TSPAN8: variants seen among roughly 807,000 people sequenced by gnomAD.
TSPAN8 encodes tetraspanin-8.
In TSPAN8, 21 loss-of-function variants were observed where a neutral mutation model predicts 32.8. The ratio of observed to expected loss-of-function variants is 0.64; its 90% CI spans 0.45 to 0.92. The LOEUF (loss-of-function observed/expected upper bound fraction) is 0.92, where lower values mean the gene tolerates loss of function less well. TSPAN8 is among the 40% of genes least tolerant of loss of function. The probability of loss-of-function intolerance (pLI) is 0.00; values close to 1 mark genes in which losing one functional copy is unlikely to be tolerated. For synonymous variants in TSPAN8, 95 were observed against 94.6 expected, an observed-to-expected ratio of 1.00 and a Z score of -0.03; for missense variants, 269 against 281.9, an observed-to-expected ratio of 0.95 and a Z score of 0.33.
intron 6 of TSPAN8, 22 bp from the exon 7 acceptor site, chr12:71,132,846 G>A: frequency 6.2e-7 from 1 of 1,613,240 alleles, no homozygotes; most frequent in South Asian, 1.1e-5. Flanking sequence ...AAGGTAGAAT[G>A]AGAAGCAGTC....
chr12:71,144,274 C>T lies in TSPAN8; in HGVS notation c.61-61G>A, dbSNP rs35072691. 3,746 of 1,468,632 alleles carry T rather than the reference C, an allele frequency of 2.6e-3. 95 individuals are homozygous for T. The African/African-American group carries it at 0.046, about 18-fold the overall frequency. 91.0% of individuals were successfully genotyped at this position (1,468,632 alleles called of 1,614,324 possible). On this transcript the variant is annotated intron_variant, in intron 2 of 8. Coordinates refer to ENST00000247829, the MANE Select transcript of TSPAN8 (RefSeq NM_004616.3). ...TTAGGATCATATGAAACTCTATTTC[C>T]ACACCCTCCTATCTATCCGGTGACA...
Position 71,128,247 on chromosome 12 carries a change from C to G in TSPAN8, c.660+1084G>C, listed in dbSNP as rs139039661. Among the ~76,000 whole-genome samples the G allele has an allele frequency of 9.0e-4, 137 of 152,302 alleles. 2 individuals are homozygous for G. The East Asian group carries it at 0.026, about 28-fold the overall frequency. On this transcript the variant is annotated intron_variant, in intron 8 of 8. Transcript: ENST00000247829. Reference sequence around the variant, plus strand: ...TAATTTGCTGCTAATAGTCCCTAACCTTTCTCTAATAGCTGCCTGGGAAAT... The same window carrying G: ...TAATTTGCTGCTAATAGTCCCTAACGTTTCTCTAATAGCTGCCTGGGAAAT...
rs11178660 is a variant in TSPAN8 at position 71,155,627 on chromosome 12, T to C, written c.60+1992A>G. ...ATGAGGTAATCGGAAATTTCAGCCC[T>C]GAATGGGCTCAAATTTGACAGTTTG... is the stretch of plus-strand genomic sequence containing the variant. On this transcript the variant is annotated intron_variant, in intron 2 of 8. Transcript: ENST00000247829. Among the ~76,000 whole-genome samples the C allele has an allele frequency of 2.8e-3, 430 of 152,260 alleles. 8 individuals are homozygous for C. In the East Asian group the frequency reaches 0.05, roughly 18 times the overall value.
At chr12:71,148,741 T>C (rs1194922294) in intron 2 of TSPAN8, among the ~76,000 whole-genome samples, 1 of 152,250 alleles carries the variant, frequency 6.6e-6, no homozygotes, top group South Asian at 2.1e-4. Flanking sequence ...TGGGATTCTA[T>C]GTCACTGTCT....
chr12:71,135,559 A>C (rs1004282180), intron 6 of TSPAN8, among the ~76,000 whole-genome samples: 23 of 151,942 alleles, frequency 1.5e-4, no homozygotes, highest in Non-Finnish European at 2.6e-4. Flanking sequence ...GAGAAGAAGG[A>C]GGAGAAGAAG....
In TSPAN8 at chr12:71,138,241, G is replaced by A. The variant is rs1216147562; in HGVS notation, c.262-11C>T. 6.2e-7 allele frequency: 1 copy of A among 1,612,144 alleles called. No individual in the cohort carries two copies. Among genetic ancestry groups the A allele is most frequent in the African/African-American group, 1.3e-5 (1 of 74,804 alleles). On this transcript the variant is annotated splice_polypyrimidine_tract_variant and intron_variant, in intron 4 of 8. Transcript: ENST00000247829. ...CAAGCCTATGAAAAACTGAAGAAGAGAAAAAGAAATATACATTATCCTCAG... is the reference window on the plus strand; with the variant it reads ...CAAGCCTATGAAAAACTGAAGAAGAAAAAAAGAAATATACATTATCCTCAG...
At chr12:71,130,474 T>A (rs1410743686) in intron 7 of TSPAN8, among the ~76,000 whole-genome samples, 1 of 152,196 alleles carries the variant, frequency 6.6e-6, no homozygotes, top group Non-Finnish European at 1.5e-5. Context: ...AATTGTAAAT[T>A]ATGTGAAGAA....
intron 7 of TSPAN8, among the ~76,000 whole-genome samples, chr12:71,130,484 A>T (rs1159828573): frequency 2.6e-5 from 4 of 152,168 alleles, no homozygotes; most frequent in Admixed American, 2.6e-4. Flanking sequence ...TATGTGAAGA[A>T]TTTTTTAAAT....
intron 6 of TSPAN8, 144 bp downstream of exon 6, chr12:71,137,802 CTTAGATT>C: frequency 1.5e-6 from 1 of 666,058 alleles, no homozygotes; most frequent in Non-Finnish European, 2.5e-6. Flanking sequence ...TTACAAATAT[CTTAGATT>C]TTTCTTATTG....
At chr12:71,155,107 C>G (rs1168285061) in intron 2 of TSPAN8, among the ~76,000 whole-genome samples, 1 of 152,078 alleles carries the variant, frequency 6.6e-6, no homozygotes, top group Non-Finnish European at 1.5e-5. Context: ...GTATTTTATG[C>G]CACTTAAAAA....
In TSPAN8 at chr12:71,125,209, C is replaced by T. The variant is rs1219679617; in HGVS notation, c.*125G>A. The T allele has an allele frequency of 4.0e-5, 29 of 730,628 alleles. No individual in the cohort carries two copies. The East Asian group carries it at 7.3e-4, about 19-fold the overall frequency. The allele number at this position is 730,628 out of a possible 1,614,324, so 45.3% of individuals were successfully genotyped here. A position where few individuals can be genotyped will look rare whatever the true frequency, so the allele number is the denominator to read the frequency against. ...TGTCTAGAAGATATCTGTGGTCTAG[C>T]TAGCCGAGACATTTTAAAAAGACAG... On this transcript the variant is annotated 3_prime_UTR_variant, in exon 9 of 9. Coordinates refer to ENST00000247829, the MANE Select transcript of TSPAN8 (RefSeq NM_004616.3).
chr12:71,138,179 G>A lies in TSPAN8; in HGVS notation c.313C>T (p.Leu105=), dbSNP rs1432941231. The A allele has an allele frequency of 1.2e-6, 2 of 1,613,612 alleles. No homozygotes were observed. The highest frequency in any genetic ancestry group is 1.7e-6 in the Non-Finnish European group (2 of 1,179,832). The change falls in exon 5 of 9, where the codon CTA becomes TTA. Residue 105 remains leucine, a synonymous_variant. Transcript: ENST00000247829. ...ILLLQVATGI[L]GAVFKSKSDR... ...ACCTTAGATTTGAAAACAGCTCCTAGGATACCTGTCGCCACCTGCAGGAGC... is the reference window on the plus strand; with the variant it reads ...ACCTTAGATTTGAAAACAGCTCCTAAGATACCTGTCGCCACCTGCAGGAGC...
intron 3 of TSPAN8, among the ~76,000 whole-genome samples, chr12:71,142,849 A>AC (rs1555195660): frequency 0.011 from 1,528 of 139,806 alleles, 10 homozygotes; most frequent in Non-Finnish European, 0.013. Context: ...GAAAAAAACA[A>AC]AAAAAAAAAA....
At chr12:71,147,374 T>C (rs1464301375) in intron 2 of TSPAN8, among the ~76,000 whole-genome samples, 1 of 152,220 alleles carries the variant, frequency 6.6e-6, no homozygotes, top group Non-Finnish European at 1.5e-5. Flanking sequence ...CTGAAAATGC[T>C]GTGTTAGGAG....
At chr12:71,143,337 G>A (rs1432643296) in intron 3 of TSPAN8, among the ~76,000 whole-genome samples, 10 of 152,170 alleles carry the variant, frequency 6.6e-5, no homozygotes, top group Non-Finnish European at 1.2e-4. Context: ...CCGCACACTC[G>A]CCCCTCCCTC....
intron 2 of TSPAN8, among the ~76,000 whole-genome samples, chr12:71,147,644 TTCTTTTACTAAACA>T (rs1872118378): frequency 6.6e-6 from 1 of 152,208 alleles, no homozygotes. Flanking sequence ...ATTTTCAAGT[TTCTTTTACTAAACA>T]TTTATTTAAA....
chr12:71,157,992 G>A lies in TSPAN8; in HGVS notation c.-172C>T, dbSNP rs747455385. 36 of 306,828 alleles carry A rather than the reference G, an allele frequency of 1.2e-4. 1 individual carries two copies. Among genetic ancestry groups the A allele is most frequent in the Non-Finnish European group, 2.0e-4 (33 of 164,536 alleles). 19.0% of individuals were successfully genotyped at this position (306,828 alleles called of 1,614,324 possible). On this transcript the variant is annotated 5_prime_UTR_variant, in exon 1 of 9. Coordinates refer to ENST00000247829, the MANE Select transcript of TSPAN8 (RefSeq NM_004616.3). ...TGTTCCTTTGCTTGTCATAGCTCCT[G>A]GGGCACTGGGCCAGGATATTTATGA...
In TSPAN8 at chr12:71,137,949, T is replaced by C. The variant is rs984139578; in HGVS notation, c.444+4A>G. On this transcript the variant is annotated splice_donor_region_variant and intron_variant, in intron 6 of 8. Coordinates refer to ENST00000247829, the MANE Select transcript of TSPAN8 (RefSeq NM_004616.3). ...CTTTAAAATGAACAATGAATTCTAA[T>C]TACCTCTTCTTGAAACACAATTATG... The C allele has an allele frequency of 1.2e-6, 2 of 1,609,542 alleles. No homozygotes were observed. Among genetic ancestry groups the C allele is most frequent in the Non-Finnish European group, 1.7e-6 (2 of 1,178,112 alleles).
At chr12:71,125,639 T>C (rs1201220310) in intron 8 of TSPAN8, among the ~76,000 whole-genome samples, 4 of 152,084 alleles carry the variant, frequency 2.6e-5, no homozygotes, top group Non-Finnish European at 5.9e-5. Context: ...ACTGGCCCCA[T>C]ATAAACTGCA....
Sources: gnomAD v4.1 joint callset for allele counts (sites outside exome capture counted in the v4.1 genomes callset) on GRCh38, gnomAD v4.1.1 for gene constraint, MANE v1.5 for transcripts, NCBI Gene and HGNC (gene_info 2026-07-23, HGNC 2026-07-21) for gene names.